ZFAND6: variants seen among roughly 807,000 people sequenced by gnomAD.
The protein encoded by ZFAND6 is zinc finger AN1-type containing 6, also known as AN1-type zinc finger protein 6.
In ZFAND6, 12 loss-of-function variants were observed where a neutral mutation model predicts 24.5. The ratio of observed to expected loss-of-function variants is 0.49; its 90% confidence interval spans 0.31 to 0.79. The LOEUF (loss-of-function observed/expected upper bound fraction) is 0.79, where lower values mean the gene tolerates loss of function less well. Among genes scored for constraint, ZFAND6 ranks in the 30% least tolerant of loss-of-function variants. The pLI, the probability that ZFAND6 is intolerant of heterozygous loss-of-function variation, is 0.04. For missense variants in ZFAND6, 207 were observed against 245.9 expected (o/e 0.84, Z 1.06); for synonymous variants, 92 against 81.5 (o/e 1.13, Z -0.69).
chr15:80,096,450 C>G (rs1349892914), intron 1 of ZFAND6, among the ~76,000 whole-genome samples: 1 of 152,154 alleles, frequency 6.6e-6, no homozygotes, highest in East Asian at 1.9e-4. Flanking sequence ...TTTCATATAA[C>G]TCTTATGAGA....
At chr15:80,130,474 G>C (rs1238838289) in intron 5 of ZFAND6, 1 of 152,174 alleles carries the variant, frequency 6.6e-6, no homozygotes, top group East Asian at 1.9e-4. Context: ...ACGTCTGCAA[G>C]GTCATATTAT....
chr15:80,105,893 C>A (rs34579896), intron 2 of ZFAND6, among the ~76,000 whole-genome samples: 82,161 of 151,984 alleles, frequency 0.54, 24,416 homozygotes, highest in Non-Finnish European at 0.68. Context: ...TTTTTATATA[C>A]CTCTATGAAG....
intron 1 of ZFAND6, among the ~76,000 whole-genome samples, chr15:80,065,006 T>TG (rs1198128586): frequency 7.0e-6 from 1 of 143,868 alleles, no homozygotes; most frequent in Admixed American, 6.8e-5. Flanking sequence ...CTCCCCCTTT[T>TG]TTTTTTTTTT....
intron 1 of ZFAND6, among the ~76,000 whole-genome samples, chr15:80,068,218 G>C (rs909328700): frequency 1.1e-4 from 17 of 151,706 alleles, no homozygotes; most frequent in African/African-American, 4.1e-4. Context: ...TGTGATGTTG[G>C]CTCACTGTAG....
chr15:80,094,593 A>G (rs979208721), intron 1 of ZFAND6, among the ~76,000 whole-genome samples: 5 of 151,860 alleles, frequency 3.3e-5, no homozygotes, highest in African/African-American at 9.7e-5. Context: ...TCTCTGTCAT[A>G]TTATTTTTTT....
At chr15:80,091,291 A>T (rs1054639414) in intron 1 of ZFAND6, among the ~76,000 whole-genome samples, 1 of 152,064 alleles carries the variant, frequency 6.6e-6, no homozygotes, top group Admixed American at 6.6e-5. Context: ...TAGAGGTGTT[A>T]TTGAGAAGAC....
chr15:80,075,375 A>C (rs1295438921), intron 1 of ZFAND6: 1 of 193,826 alleles, frequency 5.2e-6, no homozygotes, highest in Admixed American at 6.4e-5. Context: ...GGGTACCCCA[A>C]GGTAAAGAAG....
chr15:80,114,215 T>G (rs755581943), intron 2 of ZFAND6, among the ~76,000 whole-genome samples: 4 of 152,210 alleles, frequency 2.6e-5, no homozygotes, highest in African/African-American at 7.2e-5. Flanking sequence ...ATAAGTGATG[T>G]AAGTGCCCTC....
At position 80,127,589 on chromosome 15, in the gene ZFAND6, CAAAAAAA is replaced by C. The variant is rs55872915; in HGVS notation, c.365-3571_365-3565del. ...TGGGCAAAAGGGCAAAACTCCATCT[CAAAAAAA>C]AAAAAAAAAAAAAAAAAAACCATGC... is the stretch of plus-strand genomic sequence containing the variant. On this transcript the variant is annotated intron_variant, in intron 5 of 6. Coordinates refer to ENST00000261749, the MANE Select transcript of ZFAND6 (RefSeq NM_019006.4). Among the ~76,000 whole-genome samples, 8 of 120,064 alleles carry C rather than the reference CAAAAAAA, an allele frequency of 6.7e-5. 1 individual carries two copies. Among genetic ancestry groups the C allele is most frequent in the Middle Eastern group, 8.1e-3 (2 of 248 alleles). The allele number at this position is 120,064 out of a possible 152,430, so 78.8% of individuals were successfully genotyped here. A position where few individuals can be genotyped will look rare whatever the true frequency, so the allele number is the denominator to read the frequency against.
intron 1 of ZFAND6, chr15:80,060,608 T>G (rs1413347868): frequency 6.6e-6 from 1 of 152,146 alleles, no homozygotes; most frequent in East Asian, 1.9e-4. Flanking sequence ...TAATTTATAT[T>G]AAGTTGTTGG....
At chr15:80,109,877 G>T (rs1156341209) in intron 2 of ZFAND6, among the ~76,000 whole-genome samples, 1 of 152,234 alleles carries the variant, frequency 6.6e-6, no homozygotes, top group Non-Finnish European at 1.5e-5. Flanking sequence ...CACAGTTTCT[G>T]TTGGGAATAT....
At chr15:80,089,259 G>T (rs1389323281) in intron 1 of ZFAND6, among the ~76,000 whole-genome samples, 2 of 61,104 alleles carry the variant, frequency 3.3e-5, no homozygotes, top group Non-Finnish European at 5.6e-5. Context: ...GAGTGTGTGT[G>T]TTTTTTTTTT....
intron 5 of ZFAND6, 177 bp downstream of exon 5, chr15:80,122,977 T>C: frequency 2.0e-6 from 1 of 510,774 alleles, no homozygotes; most frequent in South Asian, 3.0e-5. Flanking sequence ...CATTTCACAC[T>C]TACATGTAAT....
intron 1 of ZFAND6, among the ~76,000 whole-genome samples, chr15:80,064,272 G>GTTTGACTAACATCAAACTTTAATATCAAA (rs2036488442): frequency 1.3e-5 from 2 of 152,032 alleles, no homozygotes; most frequent in Non-Finnish European, 2.9e-5. Context: ...GTCCTTAAAA[G>GTTTGACTAACATCAAACTTTAATATCAAA]TTTGACTAAC....
chr15:80,078,498 G>C (rs1161001157), intron 1 of ZFAND6, among the ~76,000 whole-genome samples: 1 of 152,196 alleles, frequency 6.6e-6, no homozygotes, highest in East Asian at 1.9e-4. Flanking sequence ...TTGCTCTTGT[G>C]AATAGTGCTG....
chr15:80,117,206 C>T (rs2039915974), intron 2 of ZFAND6, among the ~76,000 whole-genome samples: 1 of 151,774 alleles, frequency 6.6e-6, no homozygotes, highest in Non-Finnish European at 1.5e-5. Context: ...TGTTCATTTA[C>T]AAAAATATCT....
chr15:80,111,066 C>T (rs916668908), intron 2 of ZFAND6, among the ~76,000 whole-genome samples: 1 of 152,180 alleles, frequency 6.6e-6, no homozygotes, highest in African/African-American at 2.4e-5. Context: ...AATACAGATA[C>T]CCTTCAGATT....
Position 80,122,721 on chromosome 15 carries a change from T to G in ZFAND6, c.285T>G (p.Leu95=). 2 of 1,613,590 alleles carry G rather than the reference T, an allele frequency of 1.2e-6. No individual in the cohort carries two copies. The highest frequency in any genetic ancestry group is 1.7e-6 in the Non-Finnish European group (2 of 1,179,746). Residue 95 remains leucine (L), a synonymous_variant, in exon 5 of 7, where the codon CTT becomes CTG. Coordinates refer to ENST00000261749, the MANE Select transcript of ZFAND6 (RefSeq NM_019006.4). ...MQPSPVSNQS[L]LSESVASSQL... is the part of the protein sequence containing the mutation. ...CTAGCCCTGTATCAAATCAGTCACT[T>G]TTATCAGAATCTGTAGCATCTTCTC...
At chr15:80,118,253 G>A (rs918178408) in intron 2 of ZFAND6, among the ~76,000 whole-genome samples, 3 of 152,188 alleles carry the variant, frequency 2.0e-5, no homozygotes, top group Non-Finnish European at 4.4e-5. Flanking sequence ...CTCCCAAGTA[G>A]CTGGGACTAC....
Sources: gnomAD v4.1 joint callset for allele counts (sites outside exome capture counted in the v4.1 genomes callset) on GRCh38, gnomAD v4.1.1 for gene constraint, MANE v1.5 for transcripts, NCBI Gene and HGNC (gene_info 2026-07-23, HGNC 2026-07-21) for gene names.